The following ADH7 variants were observed in gnomAD, a reference collection of about 807,000 sequenced individuals.
ADH7 encodes the protein alcohol dehydrogenase 7 (class IV), mu or sigma polypeptide, also known as all-trans-retinol dehydrogenase [NAD(+)] ADH7.
In ADH7, 41 loss-of-function variants were observed where a neutral mutation model predicts 34.4. The observed-to-expected ratio is 1.19, with a 90% CI of 0.93 to 1.55. The LOEUF is 1.55. Ranked by LOEUF, ADH7 falls within the 40% of genes most tolerant of loss-of-function variation. The pLI, the probability that ADH7 is intolerant of heterozygous loss-of-function variation, is 0.00. For missense variants in ADH7, 540 were observed against 461.2 expected (o/e 1.17, Z -1.56); for synonymous variants, 180 against 160.9 (o/e 1.12, Z -0.90).
chr4:99,418,060 T>C (rs945827583), intron 7 of ADH7, among the ~76,000 whole-genome samples: 1 of 152,160 alleles, frequency 6.6e-6, no homozygotes, highest in Non-Finnish European at 1.5e-5. Flanking sequence ...GTTCCAAGTC[T>C]CAGTTTTATT....
In ADH7 at chr4:99,415,573, G is replaced by A. The variant is rs774756435; in HGVS notation, c.1005C>T (p.Phe335=). 5.6e-6 allele frequency: 9 copies of A among 1,613,376 alleles called. No homozygotes were observed. The highest frequency in any genetic ancestry group is 2.2e-5 in the South Asian group (2 of 90,992). ...GGTCCAGGTCAAATTTCTTTGCCAG[G>A]AACTCAGTCACTAGTTTTGGGACAT... is the stretch of plus-strand genomic sequence containing the variant. ...RDDVPKLVTE[F]LAKKFDLDQL... Residue 335 remains phenylalanine, a synonymous_variant, in exon 8 of 9, where the codon TTC becomes TTT. Transcript: ENST00000437033.
intron 5 of ADH7, 64 bp from the exon 6 acceptor site, chr4:99,420,857 G>A (rs1307439840): frequency 6.0e-6 from 9 of 1,510,024 alleles, no homozygotes; most frequent in Middle Eastern, 1.9e-4. Flanking sequence ...CCTGAAAAGG[G>A]CCTCCAGTTA....
chr4:99,417,576 C>T (rs1422404930), intron 7 of ADH7, among the ~76,000 whole-genome samples: 1 of 152,116 alleles, frequency 6.6e-6, no homozygotes, highest in Non-Finnish European at 1.5e-5. Context: ...GCACTTGTAA[C>T]CTTATGGTAT....
chr4:99,422,509 G>C (rs570534050), intron 5 of ADH7, among the ~76,000 whole-genome samples: 4 of 152,104 alleles, frequency 2.6e-5, no homozygotes, highest in Non-Finnish European at 5.9e-5. Context: ...GTTAGGAGGT[G>C]GGGGGTGAGG....
chr4:99,426,482 C>T (rs938247826), intron 5 of ADH7, among the ~76,000 whole-genome samples: 4 of 152,174 alleles, frequency 2.6e-5, no homozygotes, highest in African/African-American at 7.2e-5. Context: ...AATTCCTTGA[C>T]ACATACACCC....
intron 1 of ADH7, among the ~76,000 whole-genome samples, chr4:99,432,895 C>T (rs1721969121): frequency 1.3e-5 from 2 of 152,128 alleles, no homozygotes; most frequent in South Asian, 4.1e-4. Flanking sequence ...CCAGATTGTA[C>T]TCTAGTTCCT....
intron 5 of ADH7, among the ~76,000 whole-genome samples, chr4:99,425,671 G>A (rs2110138013): frequency 6.6e-6 from 1 of 152,234 alleles, no homozygotes; most frequent in East Asian, 1.9e-4. Context: ...AGTTAACAAG[G>A]ATATCCAGGA....
At chr4:99,423,037 C>T (rs1365814099) in intron 5 of ADH7, among the ~76,000 whole-genome samples, 3 of 106,988 alleles carry the variant, frequency 2.8e-5, no homozygotes, top group Non-Finnish European at 5.4e-5. Flanking sequence ...CTCCCCCCAC[C>T]CCACAACAGT....
intron 8 of ADH7, among the ~76,000 whole-genome samples, chr4:99,413,786 C>T (rs4147553): frequency 0.15 from 22,150 of 152,018 alleles, 2,916 homozygotes; most frequent in African/African-American, 0.35. Flanking sequence ...AAGCAATGAG[C>T]GTGGGCAATG....
intron 6 of ADH7, 138 bp from the exon 7 acceptor site, chr4:99,419,259 T>G: frequency 9.2e-7 from 1 of 1,087,246 alleles, no homozygotes; most frequent in Non-Finnish European, 1.3e-6. Context: ...TTAAAAAAAT[T>G]TCAGTGCAAC....
rs376821544 is a variant in ADH7, at chr4:99,420,772, C to G, written c.586G>C (p.Val196Leu). 6.2e-7 allele frequency: 1 copy of G among 1,613,784 alleles called. No homozygotes were observed. The highest frequency in any genetic ancestry group is 1.1e-5 in the South Asian group (1 of 91,078). The change falls in exon 6 of 9, where the codon GTC becomes CTC. Residue 196 changes from valine to leucine, a missense_variant. Physicochemically the swap from Val to Leu is conservative, Grantham distance 32. Coordinates refer to ENST00000437033, the MANE Select transcript of ADH7 (RefSeq NM_000673.7). Reference protein sequence around the residue: ...TGKVKPGSTCVVFGLGGVGLS... With the variant: ...TGKVKPGSTCLVFGLGGVGLS... ...CCAACTCCTCCCAGGCCAAAGACGA[C>G]GCAAGTGGAACCAGGTTTGACCTGT...
At chr4:99,428,771 C>A (rs771254085) in intron 2 of ADH7, 141 bp from the exon 3 acceptor site, 18 of 1,113,942 alleles carry the variant, frequency 1.6e-5, no homozygotes, top group Non-Finnish European at 2.1e-5. Flanking sequence ...TTAGACTATT[C>A]TGAGCCAAAA....
At chr4:99,430,622 T>C (rs757376638) in intron 1 of ADH7, among the ~76,000 whole-genome samples, 7 of 152,156 alleles carry the variant, frequency 4.6e-5, no homozygotes, top group Non-Finnish European at 1.0e-4. Context: ...TGAAAAATGA[T>C]ACACTGGTAA....
At chr4:99,420,350 C>A (rs1489980419) in intron 6 of ADH7, among the ~76,000 whole-genome samples, 183 bp downstream of exon 6, 4 of 152,142 alleles carry the variant, frequency 2.6e-5, no homozygotes, top group Non-Finnish European at 5.9e-5. Flanking sequence ...AGTGAACCTG[C>A]TCTTAAGTGT....
At position 99,433,036 on chromosome 4, in the gene ADH7, G is replaced by T. The variant is rs554233752; in HGVS notation, c.18+2180C>A. Among the ~76,000 whole-genome samples the T allele has an allele frequency of 5.7e-4, 86 of 152,172 alleles. 1 individual carries two copies. Among genetic ancestry groups the T allele is most frequent in the African/African-American group, 2.0e-3 (83 of 41,534 alleles). On this transcript the variant is annotated intron_variant, in intron 1 of 8. Coordinates refer to ENST00000437033, the MANE Select transcript of ADH7 (RefSeq NM_000673.7). Reference sequence around the variant, plus strand: ...AATACACAGTATTGTCAGATAAATGGTAAAATGGGCCATCTTACCTATGTC... The same window carrying T: ...AATACACAGTATTGTCAGATAAATGTTAAAATGGGCCATCTTACCTATGTC...
In ADH7 at chr4:99,419,050, C is replaced by T. The variant is rs747288350; in HGVS notation, c.897G>A (p.Lys299=). 2.5e-5 allele frequency: 40 copies of T among 1,613,764 alleles called. No homozygotes were observed. Among genetic ancestry groups the T allele is most frequent in the Non-Finnish European group, 3.2e-5 (38 of 1,179,896 alleles). The stretch of plus-strand genomic sequence containing the variant: ...GCAACATCGGGTCATAGGTGAGCAT[C>T]TTGGCTGATGGAGGAACTCCTACAA... ...SVVVGVPPSA[K]MLTYDPMLLF... The change falls in exon 7 of 9, where the codon AAG becomes AAA. Residue 299 remains lysine, a synonymous_variant. Transcript: ENST00000437033.
chr4:99,420,964 AAGG>A (rs2090274027), intron 5 of ADH7, among the ~76,000 whole-genome samples, 171 bp from the exon 6 acceptor site: 1 of 152,236 alleles, frequency 6.6e-6, no homozygotes, highest in African/African-American at 2.4e-5. Context: ...GGACCTCTTC[AAGG>A]AGAATTACAA....
Position 99,435,267 on chromosome 4 carries a change from CAT to C in ADH7, c.-36_-35del, listed in dbSNP as rs1445917917. ...TGTCTTGGATCTGTATTTCTGCAAA[CAT>C]AGACTTTTTCTGACTGATGCTCAGT... On this transcript the variant is annotated 5_prime_UTR_variant, in exon 1 of 9. An upstream start codon of the reference 5' UTR is lost. Transcript: ENST00000437033. The C allele has an allele frequency of 3.1e-6, 5 of 1,613,100 alleles. No homozygotes were observed. The highest frequency in any genetic ancestry group is 2.2e-5 in the East Asian group (1 of 44,808).
chr4:99,426,307 C>T lies in ADH7; in HGVS notation c.564+1466G>A, dbSNP rs548452883. Among the ~76,000 whole-genome samples, 52 of 151,816 alleles carry T rather than the reference C, an allele frequency of 3.4e-4. No individual in the cohort carries two copies. The South Asian group carries it at 5.2e-3, about 15-fold the overall frequency. ...GAAAGGATCAACAAAATTGATAGAC[C>T]GCTAGCAAGACTAATAAAGAAAAAA... On this transcript the variant is annotated intron_variant, in intron 5 of 8. Coordinates refer to ENST00000437033, the MANE Select transcript of ADH7 (RefSeq NM_000673.7).
Sources: gnomAD v4.1 joint callset for allele counts (sites outside exome capture counted in the v4.1 genomes callset) on GRCh38, gnomAD v4.1.1 for gene constraint, MANE v1.5 for transcripts, NCBI Gene and HGNC (gene_info 2026-07-23, HGNC 2026-07-21) for gene names.